Variants in SNTB1 observed in about 807,000 individuals in gnomAD.
SNTB1 encodes beta-1-syntrophin.
Under a neutral mutation model 48.9 loss-of-function variants are expected in SNTB1, and 36 were observed. The ratio of observed to expected loss-of-function variants is 0.74; its 90% CI spans 0.56 to 0.97. SNTB1 has a LOEUF of 0.97. SNTB1 is among the 50% of genes least tolerant of loss of function. SNTB1 has a pLI of 0.00. For synonymous variants in SNTB1, 299 were observed against 294.6 expected (o/e 1.01, Z -0.15); for missense variants, 786 against 703.4 (o/e 1.12, Z -1.33).
At chr8:120,699,978 G>T (rs1278494195) in intron 1 of SNTB1, among the ~76,000 whole-genome samples, 2 of 152,086 alleles carry the variant, frequency 1.3e-5, no homozygotes, top group African/African-American at 4.8e-5. Flanking sequence ...TGTTTTTTGT[G>T]TACTAACTCA....
intron 1 of SNTB1, among the ~76,000 whole-genome samples, chr8:120,733,672 T>C (rs962094224): frequency 6.6e-6 from 1 of 152,192 alleles, no homozygotes; most frequent in Non-Finnish European, 1.5e-5. Context: ...TTTGTTTCCA[T>C]CTCTAAGATT....
At chr8:120,558,220 G>A (rs1338141298) in intron 4 of SNTB1, among the ~76,000 whole-genome samples, 7 of 152,112 alleles carry the variant, frequency 4.6e-5, no homozygotes, top group Non-Finnish European at 1.0e-4. Context: ...TACATTTTAA[G>A]CTATGTGTGT....
At chr8:120,734,506 C>T (rs563058582) in intron 1 of SNTB1, among the ~76,000 whole-genome samples, 3 of 151,762 alleles carry the variant, frequency 2.0e-5, no homozygotes, top group South Asian at 4.2e-4. Context: ...TTATTGAATG[C>T]TTGCTATGCG....
intron 4 of SNTB1, among the ~76,000 whole-genome samples, chr8:120,565,932 G>A (rs1815741563): frequency 6.6e-6 from 1 of 152,176 alleles, no homozygotes; most frequent in Admixed American, 6.5e-5. Flanking sequence ...TGGGGAGCCA[G>A]GTGTGGTGGC....
Position 120,699,535 on chromosome 8 carries a change from GCTCCCTGGGGCAT to G in SNTB1, c.572-5640_572-5628del, listed in dbSNP as rs1818269464. Among the ~76,000 whole-genome samples the G allele has an allele frequency of 2.6e-5, 4 of 152,222 alleles. No individual in the cohort carries two copies. The South Asian group carries it at 8.3e-4, about 32-fold the overall frequency. ...CCTTTGCTTTCCACCATGAGTAAAAGCTCCCTGGGGCATCACCAGAAGCCAAGCAGATGGTGGC... is the reference window on the plus strand; with the variant it reads ...CCTTTGCTTTCCACCATGAGTAAAAGCACCAGAAGCCAAGCAGATGGTGGC... On this transcript the variant is annotated intron_variant, in intron 1 of 6. Transcript: ENST00000517992.
Position 120,599,436 on chromosome 8 carries a change from C to T in SNTB1, c.997-24211G>A, listed in dbSNP as rs534475073. ...AAAATATTTCTGAAGCTAATTGCTG[C>T]TTGATGCTTTTGCTATAAATCCAGG... is the stretch of plus-strand genomic sequence containing the variant. On this transcript the variant is annotated intron_variant, in intron 3 of 6. Transcript: ENST00000517992. Among the ~76,000 whole-genome samples the T allele has an allele frequency of 6.4e-4, 98 of 152,248 alleles. 1 individual carries two copies. Among genetic ancestry groups the T allele is most frequent in the African/African-American group, 2.3e-3 (96 of 41,550 alleles).
At chr8:120,687,146 A>G (rs1184484778) in intron 2 of SNTB1, among the ~76,000 whole-genome samples, 1 of 152,206 alleles carries the variant, frequency 6.6e-6, no homozygotes, top group African/African-American at 2.4e-5. Flanking sequence ...GTACCCCCAA[A>G]CACTGGGAAA....
intron 1 of SNTB1, among the ~76,000 whole-genome samples, chr8:120,772,806 C>T (rs1452854728): frequency 6.6e-6 from 1 of 152,008 alleles, no homozygotes; most frequent in East Asian, 1.9e-4. Flanking sequence ...AACACTCATT[C>T]AAGGCTGGAG....
At position 120,632,648 on chromosome 8, in the gene SNTB1, C is replaced by G; in HGVS notation, c.792G>C (p.Gln264His). ...TAGCATCTGGAGAGTGGATTTCAAG[C>G]TGCCTAGAGGAGCACAGAGAGAAGG... is the stretch of plus-strand genomic sequence containing the variant. ...SMALADPENRQLEIHSPDAKH... is the reference protein window; with the variant it reads ...SMALADPENRHLEIHSPDAKH... Residue 264 changes from glutamine to histidine, a missense_variant, in exon 3 of 7, where the codon CAG (glutamine) becomes CAC (histidine). Transcript: ENST00000517992. 6.2e-7 allele frequency: 1 copy of G among 1,614,044 alleles called. No homozygotes were observed. The highest frequency in any genetic ancestry group is 8.5e-7 in the Non-Finnish European group (1 of 1,179,962).
chr8:120,708,071 A>G (rs891342025), intron 1 of SNTB1, among the ~76,000 whole-genome samples: 3 of 151,944 alleles, frequency 2.0e-5, no homozygotes, highest in African/African-American at 7.2e-5. Flanking sequence ...TTTGTATTAT[A>G]AACAAAAGGG....
At chr8:120,633,266 C>T (rs1261813193) in intron 2 of SNTB1, among the ~76,000 whole-genome samples, 1 of 152,060 alleles carries the variant, frequency 6.6e-6, no homozygotes, top group African/African-American at 2.4e-5. Context: ...ATGAATTGGC[C>T]TAGGAAGAGG....
intron 2 of SNTB1, among the ~76,000 whole-genome samples, chr8:120,640,379 C>T (rs1332334585): frequency 2.0e-5 from 3 of 152,148 alleles, no homozygotes; most frequent in Non-Finnish European, 4.4e-5. Flanking sequence ...TTTCTTTCTC[C>T]TCCCTGATTG....
Position 120,657,589 on chromosome 8 carries a change from C to CT in SNTB1, c.789-24939dup, listed in dbSNP as rs1197184329. Among the ~76,000 whole-genome samples the CT allele has an allele frequency of 1.3e-5, 2 of 152,194 alleles. 1 individual carries two copies. The highest frequency in any genetic ancestry group is 4.8e-5 in the African/African-American group (2 of 41,448). ...CTTATACCTCTCCAAAAATAGGCCA[C>CT]TTTATCTCCTCATTGCCCCACTCTT... On this transcript the variant is annotated intron_variant, in intron 2 of 6. Coordinates refer to ENST00000517992, the MANE Select transcript of SNTB1 (RefSeq NM_021021.4).
At chr8:120,547,212 A>G (rs1256996411) in intron 5 of SNTB1, among the ~76,000 whole-genome samples, 1 of 152,234 alleles carries the variant, frequency 6.6e-6, no homozygotes, top group Non-Finnish European at 1.5e-5. Context: ...ATGAAACAAT[A>G]TTTACACCCA....
chr8:120,721,056 T>C (rs1364570007), intron 1 of SNTB1, among the ~76,000 whole-genome samples: 1 of 152,192 alleles, frequency 6.6e-6, no homozygotes, highest in Non-Finnish European at 1.5e-5. Flanking sequence ...TTGCAGCTTT[T>C]ATTAATGTGT....
At chr8:120,647,145 T>A (rs1817311578) in intron 2 of SNTB1, among the ~76,000 whole-genome samples, 1 of 137,298 alleles carries the variant, frequency 7.3e-6, no homozygotes, top group Non-Finnish European at 1.6e-5. Context: ...TTTTGAAGGG[T>A]TTTTTGTGTC....
At chr8:120,797,713 C>T (rs780847119) in intron 1 of SNTB1, among the ~76,000 whole-genome samples, 19 of 151,728 alleles carry the variant, frequency 1.3e-4, no homozygotes, top group African/African-American at 4.1e-4. Flanking sequence ...ACAAACAGTT[C>T]GTAATAAGAG....
intron 1 of SNTB1, among the ~76,000 whole-genome samples, chr8:120,784,057 G>A (rs1395505806): frequency 2.6e-5 from 4 of 151,996 alleles, no homozygotes; most frequent in African/African-American, 9.7e-5. Context: ...GCAATGGCAC[G>A]ATTTCTGCTC....
intron 1 of SNTB1, among the ~76,000 whole-genome samples, chr8:120,770,174 G>C (rs1819596430): frequency 6.6e-6 from 1 of 152,158 alleles, no homozygotes; most frequent in Non-Finnish European, 1.5e-5. Flanking sequence ...CAGTAGTCAT[G>C]ACTGTGATGC....
Sources: gnomAD v4.1 joint callset for allele counts (sites outside exome capture counted in the v4.1 genomes callset) on GRCh38, gnomAD v4.1.1 for gene constraint, MANE v1.5 for transcripts, NCBI Gene and HGNC (gene_info 2026-07-23, HGNC 2026-07-21) for gene names.